The following BMPR2 variants were observed in gnomAD, a reference collection of about 807,000 sequenced individuals.
BMPR2 encodes bone morphogenetic protein receptor type-2.
In BMPR2, 29 loss-of-function variants were observed where a neutral mutation model predicts 100.8. The observed-to-expected ratio is 0.29, with a 90% confidence interval of 0.21 to 0.39. The LOEUF is 0.39. Ranked by LOEUF, BMPR2 falls within the 10% of genes least tolerant of loss-of-function variation. The pLI, the probability that BMPR2 is intolerant of heterozygous loss-of-function variation, is 1.00. For missense variants in BMPR2, 1,011 were observed against 1,274.5 expected (o/e 0.79, Z 3.15); for synonymous variants, 382 against 442.3 (o/e 0.86, Z 1.71).
intron 5 of BMPR2, among the ~76,000 whole-genome samples, chr2:202,517,897 C>G (rs1476760514): frequency 2.0e-5 from 3 of 149,422 alleles, no homozygotes; most frequent in African/African-American, 7.4e-5. Context: ...ACTGCAAGCT[C>G]TGCCTCCCAG....
At chr2:202,469,772 C>T (rs950732685) in intron 3 of BMPR2, among the ~76,000 whole-genome samples, 3 of 152,172 alleles carry the variant, frequency 2.0e-5, no homozygotes, top group African/African-American at 7.2e-5. Context: ...CCTGAGCCAC[C>T]GCGCCCGGCC....
Position 202,376,405 on chromosome 2 carries a change from C to T in BMPR2, c.-1070C>T, listed in dbSNP as rs1400440736. 1.4e-5 allele frequency among the ~76,000 whole-genome samples: 2 copies of T among 147,908 alleles called. No individual in the cohort carries two copies. Among genetic ancestry groups the T allele is most frequent in the African/African-American group, 5.0e-5 (2 of 40,208 alleles). On this transcript the variant is annotated 5_prime_UTR_variant, in exon 1 of 13. Transcript: ENST00000374580. The stretch of plus-strand genomic sequence containing the variant: ...GGGACGCAGGGTGTCTCGCCGCCTC[C>T]CTGCCCACCCCCTTCCCCGGCTACC...
chr2:202,442,294 A>C (rs958700252), intron 1 of BMPR2, among the ~76,000 whole-genome samples: 1 of 150,538 alleles, frequency 6.6e-6, no homozygotes, highest in Non-Finnish European at 1.5e-5. Context: ...AGCTGTAGGT[A>C]AGTACTAGTT....
chr2:202,471,173 T>A (rs1385309893), intron 3 of BMPR2, among the ~76,000 whole-genome samples: 1 of 152,148 alleles, frequency 6.6e-6, no homozygotes. Flanking sequence ...CTGGGTCAAT[T>A]TGAGTGCTAA....
At chr2:202,460,118 AG>A (rs1692197875) in intron 1 of BMPR2, among the ~76,000 whole-genome samples, 1 of 152,222 alleles carries the variant, frequency 6.6e-6, no homozygotes, top group Non-Finnish European at 1.5e-5. Flanking sequence ...AACATATGCC[AG>A]GAAGGTTGTG....
rs1018199303 is a variant in BMPR2, at chr2:202,552,626, A to G, written c.1414-90A>G. 10 of 1,376,748 alleles carry G rather than the reference A, an allele frequency of 7.3e-6. No individual in the cohort carries two copies. In the Admixed American group the frequency reaches 1.3e-4, roughly 17 times the overall value. The allele number at this position is 1,376,748 out of a possible 1,614,324, so 85.3% of individuals were successfully genotyped here. A position where few individuals can be genotyped will look rare whatever the true frequency, so the allele number is the denominator to read the frequency against. The stretch of plus-strand genomic sequence containing the variant: ...TGTAAAATACTGGTTAAGGTAATTG[A>G]TTTTTCTTTTACCTCATGTGGTAAA... On this transcript the variant is annotated intron_variant, in intron 10 of 12. Transcript: ENST00000374580.
intron 9 of BMPR2, among the ~76,000 whole-genome samples, chr2:202,534,183 TACAC>T (rs200582793): frequency 4.0e-5 from 6 of 148,252 alleles, no homozygotes; most frequent in Admixed American, 6.7e-5. Context: ...TATATATATA[TACAC>T]ACACACACAC....
chr2:202,439,085 T>C (rs989827817), intron 1 of BMPR2, among the ~76,000 whole-genome samples: 2 of 150,464 alleles, frequency 1.3e-5, no homozygotes, highest in Non-Finnish European at 2.9e-5. Flanking sequence ...TTAAGTCTTA[T>C]AATCAGTGAG....
At chr2:202,552,261 A>T (rs1171789157) in intron 10 of BMPR2, among the ~76,000 whole-genome samples, 1 of 152,236 alleles carries the variant, frequency 6.6e-6, no homozygotes, top group African/African-American at 2.4e-5. Flanking sequence ...AAGTGCTGGG[A>T]TTATAGGCGT....
At chr2:202,428,031 C>T (rs1691427156) in intron 1 of BMPR2, among the ~76,000 whole-genome samples, 1 of 152,050 alleles carries the variant, frequency 6.6e-6, no homozygotes, top group Admixed American at 6.6e-5. Context: ...TTATTATTTA[C>T]CTCTGATCTA....
intron 1 of BMPR2, among the ~76,000 whole-genome samples, chr2:202,447,558 A>G (rs957665696): frequency 6.7e-6 from 1 of 150,286 alleles, no homozygotes; most frequent in Non-Finnish European, 1.5e-5. Context: ...GCATGTGCCT[A>G]TAGTCCAGCT....
intron 1 of BMPR2, among the ~76,000 whole-genome samples, chr2:202,394,082 G>A (rs1232487027): frequency 6.6e-6 from 1 of 152,184 alleles, no homozygotes; most frequent in Non-Finnish European, 1.5e-5. Flanking sequence ...GGGCGTGGTG[G>A]CTCATGCCTG....
In BMPR2 at chr2:202,467,591, C is replaced by T. The variant is rs1085307208; in HGVS notation, c.320C>T (p.Ser107Leu). Residue 107 changes from serine to leucine, a missense_variant, in exon 3 of 13, where the codon TCA becomes TTA. Ser to Leu is a moderately radical substitution (Grantham distance 145, BLOSUM62 -2). Around this residue, in one of 6 missense-constraint regions of BMPR2, gnomAD observed 355 missense variants for 455.3 expected, o/e 0.78. Transcript: ENST00000374580. ...EECVVTTTPPSIQNGTYRFCC... is the reference protein window; with the variant it reads ...EECVVTTTPPLIQNGTYRFCC... ...TGTGTAGTAACTACCACTCCTCCCT[C>T]AATTCAGAATGGAACATACCGTTTC... is the stretch of plus-strand genomic sequence containing the variant. 6.3e-7 allele frequency: 1 copy of T among 1,590,762 alleles called. No homozygotes were observed. The highest frequency in any genetic ancestry group is 2.2e-5 in the East Asian group (1 of 44,750).
At chr2:202,473,833 G>A (rs983952909) in intron 3 of BMPR2, among the ~76,000 whole-genome samples, 2 of 150,828 alleles carry the variant, frequency 1.3e-5, no homozygotes, top group Non-Finnish European at 3.0e-5. Context: ...ATAGCCAGGC[G>A]CAGTGGCTCA....
At chr2:202,550,097 C>T (rs550599030) in intron 10 of BMPR2, among the ~76,000 whole-genome samples, 4 of 152,166 alleles carry the variant, frequency 2.6e-5, no homozygotes, top group Admixed American at 2.6e-4. Flanking sequence ...TGGCCAGGTA[C>T]AGTGGCTCAC....
chr2:202,470,477 A>G (rs1454154883), intron 3 of BMPR2, among the ~76,000 whole-genome samples: 1 of 151,904 alleles, frequency 6.6e-6, no homozygotes, highest in Non-Finnish European at 1.5e-5. Flanking sequence ...AAGTAAGGAA[A>G]GAGGCCGGGC....
rs376545110 is a variant in BMPR2, at chr2:202,470,586, C to T, written c.418+2897C>T. 3.1e-3 allele frequency among the ~76,000 whole-genome samples: 471 copies of T among 150,994 alleles called. 2 individuals carry two copies. The highest frequency in any genetic ancestry group is 0.011 in the African/African-American group (456 of 41,144). On this transcript the variant is annotated intron_variant, in intron 3 of 12. Coordinates refer to ENST00000374580, the MANE Select transcript of BMPR2 (RefSeq NM_001204.7). ...ACCATCCTGGCTAACAAGGTGAAAC[C>T]CCGTCTCTACTAAAAATACAAAAAA...
chr2:202,467,708 T>C lies in BMPR2; in HGVS notation c.418+19T>C. ...CCACTCAGTAAGTAAAGTAACCAAC[T>C]TTTCTTTGTATTTCCTTTCTCCAAA... is the stretch of plus-strand genomic sequence containing the variant. On this transcript the variant is annotated intron_variant, in intron 3 of 12. Coordinates refer to ENST00000374580, the MANE Select transcript of BMPR2 (RefSeq NM_001204.7). The C allele has an allele frequency of 6.3e-7, 1 of 1,596,538 alleles. No homozygotes were observed. The highest frequency in any genetic ancestry group is 8.6e-7 in the Non-Finnish European group (1 of 1,164,016).
intron 1 of BMPR2, among the ~76,000 whole-genome samples, chr2:202,385,136 G>A (rs1406389794): frequency 6.6e-6 from 1 of 151,992 alleles, no homozygotes; most frequent in Non-Finnish European, 1.5e-5. Context: ...TGAGGAAATA[G>A]TTAAGACTTT....
Sources: gnomAD v4.1 joint callset for allele counts (sites outside exome capture counted in the v4.1 genomes callset) on GRCh38, gnomAD v4.1.1 for gene constraint, gnomAD v4.1.1 regional missense constraint, MANE v1.5 for transcripts, NCBI Gene and HGNC (gene_info 2026-07-23, HGNC 2026-07-21) for gene names.